TTC7B: variants seen among roughly 807,000 people sequenced by gnomAD.
TTC7B encodes tetratricopeptide repeat domain 7B.
TTC7B carries 28 observed loss-of-function variants against 106.8 expected under a neutral mutation model. That is an observed-to-expected ratio of 0.26 (90% confidence interval 0.19 to 0.36). The LOEUF (loss-of-function observed/expected upper bound fraction) is 0.36. TTC7B is among the 10% of genes least tolerant of loss of function. The pLI is 1.00. For missense variants in TTC7B, 862 were observed against 1,076.4 expected (o/e 0.80, Z 2.79); for synonymous variants, 405 against 430.6 (o/e 0.94, Z 0.74).
intron 6 of TTC7B, among the ~76,000 whole-genome samples, chr14:90,692,965 A>T (rs1000078934): frequency 9.2e-5 from 14 of 151,926 alleles, no homozygotes; most frequent in Non-Finnish European, 1.8e-4. Flanking sequence ...TCACCCCCAT[A>T]ATTCTAGGAA....
intron 17 of TTC7B, chr14:90,605,776 A>T (rs939543973): frequency 1.6e-6 from 2 of 1,229,002 alleles, no homozygotes; most frequent in African/African-American, 3.2e-5. Context: ...AGTGAAAGAG[A>T]AAAAAAGGGT....
chr14:90,639,261 A>C (rs1369744255), intron 15 of TTC7B, among the ~76,000 whole-genome samples: 1 of 152,262 alleles, frequency 6.6e-6, no homozygotes, highest in African/African-American at 2.4e-5. Flanking sequence ...AAGAGAAAGC[A>C]AAACAAAATC....
chr14:90,598,535 G>A (rs1892305471), intron 17 of TTC7B, among the ~76,000 whole-genome samples: 1 of 152,176 alleles, frequency 6.6e-6, no homozygotes, highest in Non-Finnish European at 1.5e-5. Flanking sequence ...CGGGCCAAGA[G>A]GACCAGGAAC....
At chr14:90,690,611 A>G (rs1236646511) in intron 6 of TTC7B, among the ~76,000 whole-genome samples, 1 of 152,206 alleles carries the variant, frequency 6.6e-6, no homozygotes, top group African/African-American at 2.4e-5. Context: ...TTAAAAAAAA[A>G]TCCCTCTGAA....
intron 17 of TTC7B, among the ~76,000 whole-genome samples, chr14:90,597,408 A>G (rs1422715107): frequency 6.6e-6 from 1 of 152,208 alleles, no homozygotes; most frequent in East Asian, 1.9e-4. Context: ...CTGTAACCCC[A>G]GCACCGTGGG....
chr14:90,788,169 A>T (rs1039294013), intron 1 of TTC7B, among the ~76,000 whole-genome samples: 2 of 152,206 alleles, frequency 1.3e-5, no homozygotes, highest in African/African-American at 4.8e-5. Flanking sequence ...GACTCAAAAA[A>T]AAGAGGAAAT....
rs1366757324 is a variant in TTC7B at position 90,535,943 on chromosome 14, T to A, written c.*5425A>T. ...CTTCTGGTGAGGACGCCAATCCTACTGGGCCAGGGCCCCTCCTGATGACCT... is the reference window on the plus strand; with the variant it reads ...CTTCTGGTGAGGACGCCAATCCTACAGGGCCAGGGCCCCTCCTGATGACCT... On this transcript the variant is annotated 3_prime_UTR_variant, in exon 20 of 20. Transcript: ENST00000328459. The A allele has an allele frequency of 6.6e-6, 1 of 152,584 alleles. No individual in the cohort carries two copies. Among genetic ancestry groups the A allele is most frequent in the East Asian group, 1.9e-4 (1 of 5,180 alleles). The allele number at this position is 152,584 out of a possible 1,614,324, so 9.5% of individuals were successfully genotyped here.
chr14:90,524,851 C>A lies in TTC7B; in HGVS notation c.*16517G>T, dbSNP rs1296398349. The stretch of plus-strand genomic sequence containing the variant: ...CACATTGCAGGTGGGGAGACTGAGG[C>A]CAGGCTGTACTCATCTCCATTACGA... On this transcript the variant is annotated 3_prime_UTR_variant, in exon 20 of 20. Transcript: ENST00000328459. The A allele has an allele frequency of 6.6e-6, 1 of 151,480 alleles. No homozygotes were observed. The highest frequency in any genetic ancestry group is 1.5e-5 in the Non-Finnish European group (1 of 67,926). 9.4% of individuals were successfully genotyped at this position (151,480 alleles called of 1,614,324 possible).
chr14:90,657,161 C>T lies in TTC7B; in HGVS notation c.1341+13G>A, dbSNP rs748853716. On this transcript the variant is annotated intron_variant, in intron 11 of 19. Coordinates refer to ENST00000328459, the MANE Select transcript of TTC7B (RefSeq NM_001010854.2). This position sits in a 1 kb window ranked among gnomAD's most constrained non-coding sequence, Gnocchi z 4.2. The stretch of plus-strand genomic sequence containing the variant: ...TCCTCTGCAGGAGCGGGGAGGGGGG[C>T]GCCCCTACTCACCCAGTGCAGGGAG... 1.8e-5 allele frequency: 29 copies of T among 1,607,398 alleles called. No homozygotes were observed. The East Asian group carries it at 2.9e-4, about 16-fold the overall frequency.
At chr14:90,716,059 A>G (rs1566852414) in intron 5 of TTC7B, among the ~76,000 whole-genome samples, 1 of 152,216 alleles carries the variant, frequency 6.6e-6, no homozygotes, top group Non-Finnish European at 1.5e-5. Flanking sequence ...GTCCGTCACG[A>G]TAGGCAGAGG....
At chr14:90,766,890 T>TAG (rs1249969934) in intron 3 of TTC7B, 21 of 1,503,002 alleles carry the variant, frequency 1.4e-5, no homozygotes, top group Admixed American at 6.8e-5. Flanking sequence ...TTCGGGCCCA[T>TAG]AGAGGGCTGT....
chr14:90,766,531 A>G, intron 3 of TTC7B: 1 of 754,356 alleles, frequency 1.3e-6, no homozygotes. Flanking sequence ...TACTGCCGCC[A>G]TGTCTCTAGT....
intron 16 of TTC7B, among the ~76,000 whole-genome samples, chr14:90,615,274 C>A (rs990175597): frequency 1.3e-5 from 2 of 152,192 alleles, no homozygotes; most frequent in African/African-American, 4.8e-5. Flanking sequence ...TCACTCCCTG[C>A]TACTGCCCAC....
chr14:90,532,986 G>A lies in TTC7B; in HGVS notation c.*8382C>T, dbSNP rs1053091903. ...AGGGCTGGGCTGTGCTCGGCCATGT[G>A]CTTGTGTTTTACACACCCTCTGAAT... On this transcript the variant is annotated 3_prime_UTR_variant, in exon 20 of 20. Transcript: ENST00000328459. 2.0e-4 allele frequency: 30 copies of A among 152,380 alleles called. No homozygotes were observed. The highest frequency in any genetic ancestry group is 7.2e-4 in the African/African-American group (30 of 41,432). The allele number at this position is 152,380 out of a possible 1,614,324, so 9.4% of individuals were successfully genotyped here. A position where few individuals can be genotyped will look rare whatever the true frequency, so the allele number is the denominator to read the frequency against.
chr14:90,655,259 T>C (rs1215724913), intron 11 of TTC7B, 149 bp from the exon 12 acceptor site: 4 of 656,988 alleles, frequency 6.1e-6, no homozygotes, highest in Non-Finnish European at 1.1e-5. Context: ...TGATTCTGTT[T>C]TCTTTCTTGA....
Position 90,654,194 on chromosome 14 carries a change from G to A in TTC7B, c.1459+799C>T, listed in dbSNP as rs148573631. Among the ~76,000 whole-genome samples, 7 of 152,258 alleles carry A rather than the reference G, an allele frequency of 4.6e-5. No homozygotes were observed. In the East Asian group the frequency reaches 7.7e-4, roughly 17 times the overall value. On this transcript the variant is annotated intron_variant, in intron 12 of 19. Coordinates refer to ENST00000328459, the MANE Select transcript of TTC7B (RefSeq NM_001010854.2). Reference sequence around the variant, plus strand: ...GAGTTTGTGATTGGGAGGGGCACACGGAGGGCTCCCCAGGGGGCTGGCAAG... The same window carrying A: ...GAGTTTGTGATTGGGAGGGGCACACAGAGGGCTCCCCAGGGGGCTGGCAAG...
chr14:90,611,525 C>T (rs965322223), intron 16 of TTC7B, among the ~76,000 whole-genome samples: 1 of 152,074 alleles, frequency 6.6e-6, no homozygotes, highest in South Asian at 2.1e-4. Context: ...TGCTGGTGTA[C>T]GAGCCCTGTC....
At chr14:90,593,338 G>T in intron 18 of TTC7B, 148 bp downstream of exon 18, 4 of 1,180,710 alleles carry the variant, frequency 3.4e-6, no homozygotes, top group African/African-American at 1.6e-5. Context: ...GTAACATTTT[G>T]GTGCATGGCC....
rs904489587 is a variant in TTC7B, at chr14:90,578,632, C to G, written c.2108-324G>C. On this transcript the variant is annotated intron_variant, in intron 18 of 19. Transcript: ENST00000328459. This position sits in a 1 kb window ranked among gnomAD's most constrained non-coding sequence, Gnocchi z 4.7. ...CACCCGGGGCTCCTCAGTGTCTGGACAGAGGCTGGCCCGGTCCAACCCTTG... is the reference window on the plus strand; with the variant it reads ...CACCCGGGGCTCCTCAGTGTCTGGAGAGAGGCTGGCCCGGTCCAACCCTTG... 6.6e-6 allele frequency among the ~76,000 whole-genome samples: 1 copy of G among 151,998 alleles called. No homozygotes were observed. Among genetic ancestry groups the G allele is most frequent in the African/African-American group, 2.4e-5 (1 of 41,380 alleles).
Sources: allele counts gnomAD v4.1 joint callset (sites outside exome capture counted in the v4.1 genomes callset), GRCh38; gene constraint gnomAD v4.1.1; non-coding constraint Gnocchi (gnomAD v3.1); transcripts MANE v1.5; gene names NCBI Gene and HGNC (gene_info 2026-07-23, HGNC 2026-07-21).